Variants in NOX4 observed in about 807,000 individuals in gnomAD.
The protein encoded by NOX4 is NADPH oxidase 4.
In NOX4, 69 loss-of-function variants were observed where a neutral mutation model predicts 87.6. That is an observed-to-expected ratio of 0.79 (90% CI 0.65 to 0.96). NOX4 has a LOEUF of 0.96. NOX4 is among the 40% of genes least tolerant of loss of function. The pLI is 0.00. For missense variants in NOX4, 680 were observed against 681.5 expected (o/e 1.00, Z 0.02); for synonymous variants, 275 against 238.2 (o/e 1.15, Z -1.42).
chr11:89,548,959 G>A, the NOX4 span, among the ~76,000 whole-genome samples: 3 of 152,116 alleles, frequency 2.0e-5, no homozygotes, highest in East Asian at 5.8e-4. Flanking sequence ...AGGGAAAAAA[G>A]TCTCATAAAG....
At chr11:89,509,525 A>T in the NOX4 span, among the ~76,000 whole-genome samples, 2 of 152,110 alleles carry the variant, frequency 1.3e-5, no homozygotes. Flanking sequence ...GTTGGGAGCC[A>T]TCAACAAGTT....
chr11:89,519,320 C>T, the NOX4 span, among the ~76,000 whole-genome samples: 1 of 151,810 alleles, frequency 6.6e-6, no homozygotes, highest in African/African-American at 2.4e-5. Flanking sequence ...TGAGTGCTTC[C>T]TATGAATATG....
intron 4 of NOX4, among the ~76,000 whole-genome samples, chr11:89,447,353 GA>G (rs1322238712): frequency 2.0e-5 from 3 of 151,638 alleles, no homozygotes; most frequent in Admixed American, 6.6e-5. Flanking sequence ...GAATTTCTCT[GA>G]AAAAAAATTT....
the NOX4 span, among the ~76,000 whole-genome samples, chr11:89,523,776 A>G: frequency 6.6e-6 from 1 of 152,218 alleles, no homozygotes; most frequent in East Asian, 1.9e-4. Flanking sequence ...TCATGCAAGG[A>G]AACCTATTCA....
At chr11:89,467,281 G>A (rs1359021330) in intron 2 of NOX4, among the ~76,000 whole-genome samples, 1 of 149,112 alleles carries the variant, frequency 6.7e-6, no homozygotes, top group African/African-American at 2.5e-5. Flanking sequence ...AACCCGGGAG[G>A]TGGAGCTTGC....
intron 11 of NOX4, among the ~76,000 whole-genome samples, chr11:89,377,715 A>C (rs1231263901): frequency 6.6e-6 from 1 of 152,190 alleles, no homozygotes; most frequent in Non-Finnish European, 1.5e-5. Flanking sequence ...TTTTAATAAA[A>C]ATCAAAAATG....
At chr11:89,340,501 G>A (rs765873386) in intron 14 of NOX4, among the ~76,000 whole-genome samples, 1 of 152,092 alleles carries the variant, frequency 6.6e-6, no homozygotes, top group Non-Finnish European at 1.5e-5. Flanking sequence ...AACTGGACCA[G>A]AATAATATTG....
At chr11:89,350,126 A>C (rs114936740) in intron 13 of NOX4, among the ~76,000 whole-genome samples, 4,394 of 152,222 alleles carry the variant, frequency 0.029, 224 homozygotes, top group African/African-American at 0.099. Context: ...TTCATGGAGC[A>C]ATGTCTACAA....
chr11:89,391,847 A>G (rs1206690331), intron 11 of NOX4, among the ~76,000 whole-genome samples: 2 of 152,070 alleles, frequency 1.3e-5, no homozygotes, highest in Non-Finnish European at 2.9e-5. Flanking sequence ...TTTAAAATAC[A>G]TATTAATCAG....
intron 8 of NOX4, among the ~76,000 whole-genome samples, chr11:89,418,047 AC>A (rs1942875919): frequency 6.6e-6 from 1 of 152,102 alleles, no homozygotes; most frequent in African/African-American, 2.4e-5. Flanking sequence ...GTGGCATGCA[AC>A]AGATTTATTT....
intron 6 of NOX4, 81 bp downstream of exon 6, chr11:89,440,607 G>A: frequency 1.1e-6 from 1 of 906,424 alleles, no homozygotes; most frequent in Non-Finnish European, 1.6e-6. Flanking sequence ...ATACAGGCAT[G>A]AGCCACTGCG....
At chr11:89,333,616 T>C (rs1590944340) in intron 17 of NOX4, among the ~76,000 whole-genome samples, 1 of 151,788 alleles carries the variant, frequency 6.6e-6, no homozygotes, top group East Asian at 1.9e-4. Context: ...GCCCAACCCA[T>C]GATATTTTAA....
chr11:89,327,235 G>A (rs1253808394), intron 17 of NOX4, among the ~76,000 whole-genome samples: 2 of 152,116 alleles, frequency 1.3e-5, no homozygotes, highest in Non-Finnish European at 2.9e-5. Context: ...TGCTAAACAG[G>A]TGACTTCTGA....
chr11:89,382,352 A>G (rs1241117331), intron 11 of NOX4, among the ~76,000 whole-genome samples: 1 of 152,080 alleles, frequency 6.6e-6, no homozygotes. Context: ...CTTGACCCCA[A>G]TACAAACTCG....
chr11:89,426,389 A>G (rs1943411269), intron 7 of NOX4, among the ~76,000 whole-genome samples: 1 of 151,918 alleles, frequency 6.6e-6, no homozygotes, highest in South Asian at 2.1e-4. Flanking sequence ...GACAGTGGGT[A>G]CAGCCCACCG....
At chr11:89,502,608 C>G (rs1947034298), upstream of NOX4, among the ~76,000 whole-genome samples, 1 of 151,954 alleles carries the variant, frequency 6.6e-6, no homozygotes, top group African/African-American at 2.4e-5. Context: ...TTTGATGAAT[C>G]CACCATCATT....
chr11:89,413,602 T>C (rs546911601), intron 8 of NOX4, among the ~76,000 whole-genome samples: 193 of 152,248 alleles, frequency 1.3e-3, no homozygotes, highest in Non-Finnish European at 1.9e-3. Context: ...CGTTCTCACT[T>C]ATTTGTGGGA....
chr11:89,522,120 T>C, the NOX4 span, among the ~76,000 whole-genome samples: 1 of 152,280 alleles, frequency 6.6e-6, no homozygotes, highest in Admixed American at 6.5e-5. Context: ...AGTTTGGAGA[T>C]TTCACAAAGA....
At chr11:89,476,328 G>A (rs144728738) in intron 2 of NOX4, among the ~76,000 whole-genome samples, 29 of 152,006 alleles carry the variant, frequency 1.9e-4, no homozygotes, top group African/African-American at 7.0e-4. Flanking sequence ...TTGGTTAAAT[G>A]GTTACTATTA....
Sources: allele counts gnomAD v4.1 joint callset (sites outside exome capture counted in the v4.1 genomes callset), GRCh38; gene constraint gnomAD v4.1.1; transcripts MANE v1.5; gene names NCBI Gene and HGNC (gene_info 2026-07-23, HGNC 2026-07-21).